Variants in PCDHGA4 observed in about 807,000 individuals in gnomAD.
The protein encoded by PCDHGA4 is protocadherin gamma-A4.
PCDHGA4 carries 38 observed loss-of-function variants against 54.6 expected under a neutral mutation model. The ratio of observed to expected loss-of-function variants is 0.70; its 90% CI spans 0.54 to 0.91. PCDHGA4 has a LOEUF of 0.91. Ranked by LOEUF, PCDHGA4 falls within the 40% of genes least tolerant of loss-of-function variation. The pLI, the probability that PCDHGA4 is intolerant of heterozygous loss-of-function variation, is 0.00. For missense variants in PCDHGA4, 1,298 were observed against 1,220.9 expected, an observed-to-expected ratio of 1.06 and a Z score of -0.94; for synonymous variants, 511 against 512.9, an observed-to-expected ratio of 1.00 and a Z score of 0.05.
intron 1 of PCDHGA4, among the ~76,000 whole-genome samples, chr5:141,463,642 G>A (rs573143516): frequency 6.6e-6 from 1 of 151,750 alleles, no homozygotes; most frequent in South Asian, 2.1e-4. Context: ...TAGTAGAGAC[G>A]GGGTTTCACC....
intron 1 of PCDHGA4, among the ~76,000 whole-genome samples, chr5:141,459,664 T>A (rs766213146): frequency 1.3e-5 from 2 of 152,262 alleles, no homozygotes; most frequent in Non-Finnish European, 2.9e-5. Flanking sequence ...TCACTTTACA[T>A]TTTCATGAGC....
At chr5:141,446,055 G>A (rs1431833512) in intron 1 of PCDHGA4, among the ~76,000 whole-genome samples, 1 of 152,190 alleles carries the variant, frequency 6.6e-6, no homozygotes, top group Non-Finnish European at 1.5e-5. Flanking sequence ...AGCTGGCTTG[G>A]ATTAAAGGGG....
chr5:141,405,330 T>A, intron 1 of PCDHGA4: 1 of 1,614,206 alleles, frequency 6.2e-7, no homozygotes. Flanking sequence ...CCTTTGTGCG[T>A]CTCTGTTGAT....
chr5:141,385,231 A>G (rs1781024340), intron 1 of PCDHGA4: 1 of 1,614,136 alleles, frequency 6.2e-7, no homozygotes, highest in Non-Finnish European at 8.5e-7. Flanking sequence ...CTATGTAGAC[A>G]TGCTCATCAG....
rs752984415 is a variant in PCDHGA4, at chr5:141,360,537, A to G, written c.2514+2916A>G. 29 of 1,614,000 alleles carry G rather than the reference A, an allele frequency of 1.8e-5. 1 individual carries two copies. The South Asian group carries it at 2.9e-4, about 16-fold the overall frequency. On this transcript the variant is annotated intron_variant, in intron 1 of 3. Transcript: ENST00000571252. ...TAAATGATAATACCCCGCTATTCAA[A>G]CAGACTAAGATTAATTTAAAAATTG...
At chr5:141,370,648 T>A in intron 1 of PCDHGA4, 1 of 1,613,920 alleles carries the variant, frequency 6.2e-7, no homozygotes, top group Non-Finnish European at 8.5e-7. Context: ...GGGAACTTAC[T>A]TGTGAGCGAC....
chr5:141,362,634 TCTTTGTC>T, intron 1 of PCDHGA4: 2 of 1,484,528 alleles, frequency 1.3e-6, no homozygotes, highest in Non-Finnish European at 1.8e-6. Context: ...ACTGCGTATT[TCTTTGTC>T]TGTGAGTTAG....
In PCDHGA4 at chr5:141,477,176, G is replaced by C. The variant is rs766547728; in HGVS notation, c.2515-17631G>C. On this transcript the variant is annotated intron_variant, in intron 1 of 3. Coordinates refer to ENST00000571252, the MANE Select transcript of PCDHGA4 (RefSeq NM_018917.4). This position sits in a 1 kb window ranked among gnomAD's most constrained non-coding sequence, Gnocchi z 4.9. ...GAATGACAACGCCCCGGAGATCACAGTCACCTCCGTGTACAGCCCAGTACC... is the reference window on the plus strand; with the variant it reads ...GAATGACAACGCCCCGGAGATCACACTCACCTCCGTGTACAGCCCAGTACC... The C allele has an allele frequency of 1.2e-6, 2 of 1,614,206 alleles. No individual in the cohort carries two copies. The highest frequency in any genetic ancestry group is 3.3e-5 in the Admixed American group (2 of 60,024).
In PCDHGA4 at chr5:141,355,591, C is replaced by T. The variant is rs1759908774; in HGVS notation, c.484C>T (p.Pro162Ser). ...VEIIDVNDNP[P>S]SFGTEQREIK... ...AATAATCGATGTTAATGATAACCCA[C>T]CCAGTTTTGGGACAGAACAGAGGGA... The change falls in exon 1 of 4, where the codon CCC (proline) becomes TCC (serine). Residue 162 changes from proline to serine, a missense_variant. By Grantham distance (74) the Pro-to-Ser change is moderately conservative. Coordinates refer to ENST00000571252, the MANE Select transcript of PCDHGA4 (RefSeq NM_018917.4). The T allele has an allele frequency of 6.2e-7, 1 of 1,613,974 alleles. No individual in the cohort carries two copies. The highest frequency in any genetic ancestry group is 2.2e-5 in the East Asian group (1 of 44,878).
At chr5:141,398,700 C>T in intron 1 of PCDHGA4, 1 of 1,613,844 alleles carries the variant, frequency 6.2e-7, no homozygotes, top group Non-Finnish European at 8.5e-7. Context: ...GTAGTAAATA[C>T]CCGGAACTGG....
intron 1 of PCDHGA4, chr5:141,433,307 C>T (rs982853368): frequency 2.2e-6 from 2 of 913,640 alleles, no homozygotes; most frequent in Admixed American, 2.7e-5. Context: ...AATTATCCCA[C>T]CTTTGCCTCC....
At chr5:141,369,327 T>G (rs1766164391) in intron 1 of PCDHGA4, among the ~76,000 whole-genome samples, 1 of 152,160 alleles carries the variant, frequency 6.6e-6, no homozygotes, top group African/African-American at 2.4e-5. Context: ...GAAGAAACAG[T>G]ACATTTCAGG....
chr5:141,394,558 C>T (rs2093032633), intron 1 of PCDHGA4: 4 of 1,614,108 alleles, frequency 2.5e-6, no homozygotes, highest in Non-Finnish European at 3.4e-6. Flanking sequence ...CCCCGCTCCG[C>T]AGAGCGTGGC....
In PCDHGA4 at chr5:141,414,837, G is replaced by C. The variant is rs776651290; in HGVS notation, c.2514+57216G>C. On this transcript the variant is annotated intron_variant, in intron 1 of 3. Coordinates refer to ENST00000571252, the MANE Select transcript of PCDHGA4 (RefSeq NM_018917.4). ...TCAGCAGCAACGTGTCGTTGAGCCT[G>C]TTTGTGCTGGACCAGAACGACAATG... The C allele has an allele frequency of 2.4e-5, 38 of 1,614,232 alleles. No homozygotes were observed. In the Admixed American group the frequency reaches 5.8e-4, roughly 25 times the overall value.
intron 1 of PCDHGA4, chr5:141,365,395 G>A (rs753717509): frequency 6.2e-7 from 1 of 1,613,860 alleles, no homozygotes; most frequent in Non-Finnish European, 8.5e-7. Flanking sequence ...TGACCAGTTC[G>A]ATCTCTGAAG....
chr5:141,499,751 A>G (rs1355923543), intron 2 of PCDHGA4, among the ~76,000 whole-genome samples: 2 of 149,258 alleles, frequency 1.3e-5, no homozygotes, highest in Non-Finnish European at 3.0e-5. Flanking sequence ...CTGTGGCACA[A>G]TCTCAGCTCA....
At chr5:141,392,273 GC>G (rs1371015127) in intron 1 of PCDHGA4, 1 of 152,178 alleles carries the variant, frequency 6.6e-6, no homozygotes, top group Non-Finnish European at 1.5e-5. Flanking sequence ...TTACAATAAA[GC>G]TTAGAGCACA....
intron 1 of PCDHGA4, chr5:141,383,229 G>A: frequency 6.2e-7 from 1 of 1,613,958 alleles, no homozygotes. Flanking sequence ...ACATCCTGAT[G>A]GAAGATAAAA....
chr5:141,372,754 G>A (rs201408759), intron 1 of PCDHGA4: 907 of 1,612,900 alleles, frequency 5.6e-4, no homozygotes, highest in Non-Finnish European at 7.2e-4. Flanking sequence ...GAAGCCTCTT[G>A]GTTTGAAAGT....
Sources: allele counts gnomAD v4.1 joint callset (sites outside exome capture counted in the v4.1 genomes callset), GRCh38; gene constraint gnomAD v4.1.1; non-coding constraint Gnocchi (gnomAD v3.1); transcripts MANE v1.5; gene names NCBI Gene and HGNC (gene_info 2026-07-23, HGNC 2026-07-21).